Variants in KCNH8 observed in about 807,000 individuals in gnomAD.
The protein encoded by KCNH8 is voltage-gated delayed rectifier potassium channel KCNH8.
A neutral mutation model predicts 103.6 loss-of-function variants in KCNH8; 70 were observed. That is an observed-to-expected ratio of 0.68 (90% CI 0.56 to 0.82). The LOEUF (loss-of-function observed/expected upper bound fraction) is 0.82. KCNH8 is among the 40% of genes least tolerant of loss of function. KCNH8 has a pLI of 0.00. For missense variants in KCNH8, 1,217 were observed against 1,329.9 expected (o/e 0.92, Z 1.32); for synonymous variants, 498 against 489.4 (o/e 1.02, Z -0.23).
At chr3:19,513,467 AT>A in intron 13 of KCNH8, 142 bp downstream of exon 13, 1 of 1,189,656 alleles carries the variant, frequency 8.4e-7, no homozygotes, top group African/African-American at 1.5e-5. Flanking sequence ...TTTGTGGGCA[AT>A]TTTTTGAGTT....
At chr3:19,351,595 A>C (rs922807092) in intron 5 of KCNH8, among the ~76,000 whole-genome samples, 50 of 152,178 alleles carry the variant, frequency 3.3e-4, no homozygotes, top group African/African-American at 1.2e-3. Flanking sequence ...ATTCTTAAGG[A>C]AAAGAATTTT....
At chr3:19,521,494 G>A (rs1486758995) in intron 15 of KCNH8, among the ~76,000 whole-genome samples, 1 of 151,842 alleles carries the variant, frequency 6.6e-6, no homozygotes, top group Non-Finnish European at 1.5e-5. Context: ...CCTCATACAA[G>A]GTTATGCTTT....
At chr3:19,163,269 T>A (rs192457303) in intron 1 of KCNH8, among the ~76,000 whole-genome samples, 2,382 of 150,458 alleles carry the variant, frequency 0.016, 35 homozygotes, top group Non-Finnish European at 0.025. Context: ...TTTCAGGTAA[T>A]GTGTATATAT....
At chr3:19,353,464 C>T (rs956031990) in intron 5 of KCNH8, among the ~76,000 whole-genome samples, 3 of 152,158 alleles carry the variant, frequency 2.0e-5, no homozygotes, top group Non-Finnish European at 2.9e-5. Flanking sequence ...CCCTGATGCA[C>T]ATCAATGCAA....
intron 1 of KCNH8, among the ~76,000 whole-genome samples, chr3:19,202,453 C>T (rs924628816): frequency 2.0e-5 from 3 of 152,016 alleles, no homozygotes; most frequent in African/African-American, 7.2e-5. Flanking sequence ...CAACCCTTTC[C>T]AACTCCAGTC....
intron 2 of KCNH8, among the ~76,000 whole-genome samples, chr3:19,276,463 T>G (rs1403672218): frequency 6.6e-6 from 1 of 152,116 alleles, no homozygotes; most frequent in Non-Finnish European, 1.5e-5. Flanking sequence ...TTATTCAAAA[T>G]CCTGCTTGAT....
At chr3:19,151,387 T>G (rs748627584) in intron 1 of KCNH8, among the ~76,000 whole-genome samples, 1 of 152,176 alleles carries the variant, frequency 6.6e-6, no homozygotes, top group Non-Finnish European at 1.5e-5. Context: ...GGTATAATTT[T>G]TACCTTATTT....
chr3:19,475,539 T>A (rs1018381525), intron 11 of KCNH8, among the ~76,000 whole-genome samples: 6 of 152,184 alleles, frequency 3.9e-5, no homozygotes, highest in African/African-American at 1.2e-4. Context: ...CCTAATTTCC[T>A]CACTGTTTAT....
chr3:19,437,245 GAGAA>G (rs1454807439), intron 7 of KCNH8, among the ~76,000 whole-genome samples: 3 of 151,978 alleles, frequency 2.0e-5, no homozygotes, highest in African/African-American at 7.3e-5. Context: ...CACACACATA[GAGAA>G]AGAATTATAA....
intron 5 of KCNH8, 85 bp downstream of exon 5, chr3:19,348,050 AAG>A: frequency 6.6e-7 from 1 of 1,509,484 alleles, no homozygotes; most frequent in Non-Finnish European, 9.0e-7. Flanking sequence ...AATTTGAACT[AAG>A]ATCCATTTGC....
intron 3 of KCNH8, among the ~76,000 whole-genome samples, chr3:19,304,430 CAA>C (rs936796287): frequency 7.2e-4 from 109 of 151,382 alleles, no homozygotes; most frequent in African/African-American, 2.5e-3. Flanking sequence ...AAGAAACTAA[CAA>C]AAAAATAACA....
chr3:19,425,039 C>G (rs2067007764), intron 7 of KCNH8, among the ~76,000 whole-genome samples: 1 of 152,018 alleles, frequency 6.6e-6, no homozygotes, highest in Admixed American at 6.6e-5. Flanking sequence ...AATATCAGTC[C>G]AAACCCAGCT....
rs77079671 is a variant in KCNH8, at chr3:19,533,226, G to GA, written c.2620-159dup. 7.3e-3 allele frequency among the ~76,000 whole-genome samples: 1,057 copies of GA among 145,038 alleles called. 26 individuals carry two copies. The highest frequency in any genetic ancestry group is 0.065 in the East Asian group (317 of 4,904). ...CTCAAAAAAAAAAAAAAAGGAAAAA[G>GA]AAAAAAAAAATTTCTTTTTCACCAA... On this transcript the variant is annotated intron_variant, in intron 15 of 15. Transcript: ENST00000328405.
At chr3:19,515,241 A>G in intron 13 of KCNH8, 81 bp from the exon 14 acceptor site, 1 of 736,620 alleles carries the variant, frequency 1.4e-6, no homozygotes, top group Non-Finnish European at 2.2e-6. Flanking sequence ...GAAATTTAAC[A>G]TAATATCTTT....
At chr3:19,300,638 A>C (rs1312800489) in intron 3 of KCNH8, among the ~76,000 whole-genome samples, 1 of 152,124 alleles carries the variant, frequency 6.6e-6, no homozygotes, top group African/African-American at 2.4e-5. Flanking sequence ...AGATTACATA[A>C]CGGTTTACAG....
chr3:19,439,223 C>G (rs1191046522), intron 8 of KCNH8, among the ~76,000 whole-genome samples: 1 of 152,038 alleles, frequency 6.6e-6, no homozygotes, highest in African/African-American at 2.4e-5. Context: ...AATTTTATGA[C>G]AATCAAAAAC....
chr3:19,227,090 A>C (rs1250199964), intron 1 of KCNH8, among the ~76,000 whole-genome samples: 2 of 152,192 alleles, frequency 1.3e-5, no homozygotes, highest in African/African-American at 4.8e-5. Context: ...CTCAGGCATA[A>C]ATATGGGAAA....
intron 3 of KCNH8, among the ~76,000 whole-genome samples, chr3:19,323,076 T>A (rs969396536): frequency 2.0e-5 from 3 of 152,178 alleles, no homozygotes; most frequent in Non-Finnish European, 4.4e-5. Context: ...CATTGGAGAT[T>A]TTTCCAGTCA....
At position 19,310,704 on chromosome 3, in the gene KCNH8, A is replaced by G. The variant is rs374116313; in HGVS notation, c.442+29375A>G. On this transcript the variant is annotated intron_variant, in intron 3 of 15. Coordinates refer to ENST00000328405, the MANE Select transcript of KCNH8 (RefSeq NM_144633.3). ...TTCAAAGGGGTGAGTGTTACAATCT[A>G]TTTCTTAACAGAGTAATTTTATGAA... is the stretch of plus-strand genomic sequence containing the variant. Among the ~76,000 whole-genome samples the G allele has an allele frequency of 9.2e-5, 14 of 151,910 alleles. No homozygotes were observed. In the East Asian group the frequency reaches 2.5e-3, roughly 27 times the overall value.
Sources: gnomAD v4.1 joint callset for allele counts (sites outside exome capture counted in the v4.1 genomes callset) on GRCh38, gnomAD v4.1.1 for gene constraint, MANE v1.5 for transcripts, NCBI Gene and HGNC (gene_info 2026-07-23, HGNC 2026-07-21) for gene names.